STK24: variants seen among roughly 807,000 people sequenced by gnomAD.
STK24 encodes serine/threonine kinase 24.
Under a neutral mutation model 55.6 loss-of-function variants are expected in STK24, and 21 were observed. The observed-to-expected ratio is 0.38, with a 90% CI of 0.27 to 0.54. STK24 has a LOEUF of 0.54. STK24 is among the 20% of genes least tolerant of loss of function. The probability of loss-of-function intolerance (pLI) is 0.79; values close to 1 mark genes in which losing one functional copy is unlikely to be tolerated. For synonymous variants in STK24, 200 were observed against 215.2 expected (o/e 0.93, Z 0.62); for missense variants, 383 against 538.4 (o/e 0.71, Z 2.86).
rs112222367 is a variant in STK24 at position 98,457,254 on chromosome 13, C to T, written c.1173G>A (p.Glu391=). 182 of 1,613,882 alleles carry T rather than the reference C, an allele frequency of 1.1e-4. 1 individual carries two copies. In the African/African-American group the frequency reaches 2.0e-3, roughly 18 times the overall value. Residue 391 remains glutamate, a synonymous_variant, in exon 10 of 11, where the codon GAG becomes GAA. Transcript: ENST00000539966. ...ACGGNLGSIE[E]LRGAIYLAEE... ...CCGCTAGGTAGATGGCCCCTCGCAGCTCTTCAATGGACCCCAAGTTCCCTC... is the reference window on the plus strand; with the variant it reads ...CCGCTAGGTAGATGGCCCCTCGCAGTTCTTCAATGGACCCCAAGTTCCCTC...
In STK24 at chr13:98,457,284, C is replaced by A. The variant is rs201499071; in HGVS notation, c.1143G>T (p.Ala381=). ...LFAELKEKSQ[A]CGGNLGSIEE... ...CAATGGACCCCAAGTTCCCTCCGCA[C>A]GCCTGGCTCTTCTCCTTCAACTGAA... The change falls in exon 10 of 11, where the codon GCG becomes GCT. Residue 381 remains alanine, a synonymous_variant. Coordinates refer to ENST00000539966, the MANE Select transcript of STK24 (RefSeq NM_001032296.4). 1 of 1,614,064 alleles carries A rather than the reference C, an allele frequency of 6.2e-7. No homozygotes were observed. Among genetic ancestry groups the A allele is most frequent in the Non-Finnish European group, 8.5e-7 (1 of 1,180,048 alleles).
At chr13:98,506,734 G>T (rs1467528362) in intron 2 of STK24, among the ~76,000 whole-genome samples, 2 of 152,172 alleles carry the variant, frequency 1.3e-5, no homozygotes, top group Non-Finnish European at 2.9e-5. Flanking sequence ...GAGCATCGGC[G>T]AAGCACTAAA....
Position 98,446,124 on chromosome 13 carries a change from G to A in STK24, c.*7049C>T, listed in dbSNP as rs1892819491. 6.2e-7 allele frequency: 1 copy of A among 1,614,060 alleles called. No individual in the cohort carries two copies. The highest frequency in any genetic ancestry group is 8.5e-7 in the Non-Finnish European group (1 of 1,179,896). On this transcript the variant is annotated 3_prime_UTR_variant, in exon 11 of 11. Transcript: ENST00000539966. ...ATCAGTTGTCTGGAAACCTGCTGAGGAAATTCAAAAACAGCAACGGGTGGC... is the reference window on the plus strand; with the variant it reads ...ATCAGTTGTCTGGAAACCTGCTGAGAAAATTCAAAAACAGCAACGGGTGGC...
At chr13:98,455,875 A>G (rs1174164578) in intron 10 of STK24, 1 of 152,234 alleles carries the variant, frequency 6.6e-6, no homozygotes, top group African/African-American at 2.4e-5. Context: ...GTTTTGTTCT[A>G]TTTGTTTTAT....
Position 98,448,264 on chromosome 13 carries a change from A to T in STK24, c.*4909T>A. 1 of 1,614,108 alleles carries T rather than the reference A, an allele frequency of 6.2e-7. No homozygotes were observed. Among genetic ancestry groups the T allele is most frequent in the Non-Finnish European group, 8.5e-7 (1 of 1,179,934 alleles). ...GATGGAAGTGATCCGCAGTGCCACC[A>T]GCTCTGCCTCGCGACCCCACGTGTT... On this transcript the variant is annotated 3_prime_UTR_variant, in exon 11 of 11. Transcript: ENST00000539966.
intron 2 of STK24, among the ~76,000 whole-genome samples, chr13:98,484,403 C>T (rs556011845): frequency 1.3e-5 from 2 of 152,292 alleles, no homozygotes; most frequent in African/African-American, 2.4e-5. Flanking sequence ...ATTTTCTGGG[C>T]ATTAAGTCTG....
chr13:98,552,931 C>T (rs1326559641), intron 1 of STK24, among the ~76,000 whole-genome samples: 1 of 152,134 alleles, frequency 6.6e-6, no homozygotes, highest in Non-Finnish European at 1.5e-5. Flanking sequence ...ACATACACCA[C>T]CAAGAGTGAG....
chr13:98,530,995 G>A (rs1315045783), intron 1 of STK24, among the ~76,000 whole-genome samples: 1 of 152,126 alleles, frequency 6.6e-6, no homozygotes, highest in African/African-American at 2.4e-5. Flanking sequence ...TGAACTTTAG[G>A]CCAATCTCCT....
intron 1 of STK24, chr13:98,553,853 G>A (rs1286178443): frequency 6.6e-6 from 1 of 152,136 alleles, no homozygotes; most frequent in Non-Finnish European, 1.5e-5. Context: ...TCTGAGGTCA[G>A]GAATTCGAGA....
At chr13:98,536,371 T>C (rs1667108297) in intron 1 of STK24, among the ~76,000 whole-genome samples, 1 of 151,930 alleles carries the variant, frequency 6.6e-6, no homozygotes, top group African/African-American at 2.4e-5. Context: ...TTTTTTTTTT[T>C]TTCTCTTCCA....
intron 9 of STK24, 93 bp downstream of exon 9, chr13:98,460,279 C>T: frequency 8.2e-7 from 1 of 1,215,120 alleles, no homozygotes; most frequent in Non-Finnish European, 1.2e-6. Flanking sequence ...TCTTAATGTC[C>T]CCAACTCTTA....
chr13:98,551,446 T>C (rs923833647), intron 1 of STK24, among the ~76,000 whole-genome samples: 16 of 151,722 alleles, frequency 1.1e-4, no homozygotes, highest in African/African-American at 3.6e-4. Flanking sequence ...CGTCATACTT[T>C]CTCTTTTTTT....
At chr13:98,475,200 C>T (rs766739135) in intron 4 of STK24, 50 bp downstream of exon 4, 7 of 1,529,508 alleles carry the variant, frequency 4.6e-6, no homozygotes, top group Non-Finnish European at 6.3e-6. Flanking sequence ...CAGGGCAACC[C>T]CACCACCACC....
At chr13:98,453,665 C>G (rs1486958524) in intron 10 of STK24, 1 of 154,550 alleles carries the variant, frequency 6.5e-6, no homozygotes, top group Non-Finnish European at 1.4e-5. Flanking sequence ...TGGTCCAAAG[C>G]AGGAACAACG....
chr13:98,461,731 C>A, intron 8 of STK24, 43 bp downstream of exon 8: 3 of 1,603,370 alleles, frequency 1.9e-6, no homozygotes, highest in Non-Finnish European at 1.7e-6. Context: ...CAAAACACTG[C>A]AGACTGAGGT....
intron 2 of STK24, among the ~76,000 whole-genome samples, chr13:98,505,537 A>C (rs770522036): frequency 2.6e-5 from 4 of 152,258 alleles, no homozygotes; most frequent in African/African-American, 7.2e-5. Context: ...TTACAATGAC[A>C]GGGAAGAGTC....
At position 98,501,278 on chromosome 13, in the gene STK24, C is replaced by A. The variant is rs148590077; in HGVS notation, c.273+17965G>T. Among the ~76,000 whole-genome samples, 84 of 152,350 alleles carry A rather than the reference C, an allele frequency of 5.5e-4. 2 individuals are homozygous for A. In the East Asian group the frequency reaches 0.016, roughly 29 times the overall value. ...GGGAATCGCCCTGAACCTGCACACTCCCTCCTCACAGAGCTGTGGTGTGCT... is the reference window on the plus strand; with the variant it reads ...GGGAATCGCCCTGAACCTGCACACTACCTCCTCACAGAGCTGTGGTGTGCT... On this transcript the variant is annotated intron_variant, in intron 2 of 10. Transcript: ENST00000539966.
intron 2 of STK24, among the ~76,000 whole-genome samples, chr13:98,485,525 G>A (rs1226345710): frequency 1.3e-5 from 2 of 152,216 alleles, no homozygotes; most frequent in African/African-American, 4.8e-5. Flanking sequence ...GTAGCCCCAA[G>A]CTGCCTGACT....
At position 98,489,068 on chromosome 13, in the gene STK24, C is replaced by CA. The variant is rs376225704; in HGVS notation, c.274-6748dup. 1.5e-4 allele frequency among the ~76,000 whole-genome samples: 23 copies of CA among 152,334 alleles called. 2 individuals are homozygous for CA. The highest frequency in any genetic ancestry group is 5.0e-4 in the African/African-American group (21 of 41,588). ...TCCGCGCAGATGACGCATGTGGCCT[C>CA]AAAGCCTTAAGGCCTGGTTTGCATC... On this transcript the variant is annotated intron_variant, in intron 2 of 10. Coordinates refer to ENST00000539966, the MANE Select transcript of STK24 (RefSeq NM_001032296.4).
Sources: allele counts gnomAD v4.1 joint callset (sites outside exome capture counted in the v4.1 genomes callset), GRCh38; gene constraint gnomAD v4.1.1; transcripts MANE v1.5; gene names NCBI Gene and HGNC (gene_info 2026-07-23, HGNC 2026-07-21).